The following DCHS2 variants were observed in gnomAD, a reference collection of about 807,000 sequenced individuals.
DCHS2 encodes dachsous cadherin-related 2.
A neutral mutation model predicts 182.4 loss-of-function variants in DCHS2; 142 were observed. That is an observed-to-expected ratio of 0.78 (90% CI 0.68 to 0.89). DCHS2 has a LOEUF of 0.89. DCHS2 is among the 40% of genes least tolerant of loss of function. DCHS2 has a pLI of 0.00. For synonymous variants in DCHS2, 1,740 were observed against 1,663.3 expected (o/e 1.05, Z -1.12); for missense variants, 4,319 against 4,198.6 (o/e 1.03, Z -0.79).
Position 154,233,065 on chromosome 4 carries a change from C to G in DCHS2, c.*1471G>C, listed in dbSNP as rs1731267397. The G allele has an allele frequency of 6.6e-6, 1 of 152,042 alleles. No individual in the cohort carries two copies. The highest frequency in any genetic ancestry group is 6.6e-5 in the Admixed American group (1 of 15,254). The allele number at this position is 152,042 out of a possible 1,614,324, so 9.4% of individuals were successfully genotyped here. On this transcript the variant is annotated 3_prime_UTR_variant, in exon 20 of 20. Transcript: ENST00000357232. The stretch of plus-strand genomic sequence containing the variant: ...ATGTCACAAAATTTCACAGATGAGG[C>G]CTATGGAAGAAGAACACAAAGGAAC...
At chr4:154,417,200 TGTGTGAGA>T (rs1198417722) in intron 1 of DCHS2, among the ~76,000 whole-genome samples, 18 of 47,962 alleles carry the variant, frequency 3.8e-4, no homozygotes, top group East Asian at 2.3e-3. Flanking sequence ...TGTGTGTGTG[TGTGTGAGA>T]GAGAGAGAGA....
chr4:154,377,430 A>C lies in DCHS2; in HGVS notation c.2067T>G (p.Asp689Glu), dbSNP rs763464354. Residue 689 changes from aspartate to glutamate, a missense_variant, in exon 2 of 20, where the codon GAT (aspartate) becomes GAG (glutamate). Physicochemically the swap from Asp to Glu is conservative, Grantham distance 45. Coordinates refer to ENST00000357232, the MANE Select transcript of DCHS2 (RefSeq NM_001358235.2). ...GHCFLQVTAS[D>E]ADSGLYGFIE... ...TAAAGCCATAGAGTCCTGAATCTGCATCAGAGGCTGTCACCTGTGAGACAG... is the reference window on the plus strand; with the variant it reads ...TAAAGCCATAGAGTCCTGAATCTGCCTCAGAGGCTGTCACCTGTGAGACAG... 7 of 1,612,046 alleles carry C rather than the reference A, an allele frequency of 4.3e-6. No homozygotes were observed. The highest frequency in any genetic ancestry group is 1.3e-5 in the African/African-American group (1 of 74,864).
Position 154,490,801 on chromosome 4 carries a change from G to T in DCHS2, c.555C>A (p.Ala185=), listed in dbSNP as rs537489691. The T allele has an allele frequency of 6.4e-7, 1 of 1,551,574 alleles. No homozygotes were observed. Residue 185 remains alanine (A), a synonymous_variant, in exon 1 of 20, where the codon GCC becomes GCA. Coordinates refer to ENST00000357232, the MANE Select transcript of DCHS2 (RefSeq NM_001358235.2). ...DVSELSPPGT[A]FRLPVAHDPD... is the part of the protein sequence containing the mutation. ...GATCGTGGGCAACTGGCAGGCGGAA[G>T]GCGGTCCCTGGCGGGCTGAGCTCGG...
chr4:154,326,179 C>T (rs146037405), intron 7 of DCHS2, among the ~76,000 whole-genome samples: 6 of 152,274 alleles, frequency 3.9e-5, no homozygotes, highest in Non-Finnish European at 7.4e-5. Flanking sequence ...CATTGTTCTT[C>T]GAAGTCGTCA....
intron 3 of DCHS2, among the ~76,000 whole-genome samples, chr4:154,361,903 G>A (rs1404854335): frequency 2.0e-5 from 3 of 152,004 alleles, no homozygotes; most frequent in Non-Finnish European, 4.4e-5. Context: ...CAGAAAGCAT[G>A]TAAGTTTATA....
chr4:154,339,451 CTT>C (rs761820833), intron 3 of DCHS2, among the ~76,000 whole-genome samples: 14 of 141,228 alleles, frequency 9.9e-5, no homozygotes, highest in Admixed American at 2.1e-4. Context: ...CATGAACAAA[CTT>C]TTTTTTTTTT....
In DCHS2 at chr4:154,332,754, A is replaced by C. The variant is rs143314501; in HGVS notation, c.3454T>G (p.Ser1152Ala). 225 of 1,614,188 alleles carry C rather than the reference A, an allele frequency of 1.4e-4. 2 individuals are homozygous for C. In the East Asian group the frequency reaches 4.9e-3, roughly 35 times the overall value. ...IYLRRQFDYE[S>A]TQTYNFRVFA... is the part of the protein sequence containing the mutation. ...ACTCTAAAATTATATGTTTGGGTGG[A>C]TTCATAGTCAAACTGTCGCCGCAAA... Residue 1152 changes from serine to alanine, a missense_variant, in exon 5 of 20, where the codon TCC becomes GCC. Transcript: ENST00000357232.
chr4:154,373,910 T>A (rs1449707577), intron 2 of DCHS2: 3 of 1,600,880 alleles, frequency 1.9e-6, no homozygotes, highest in Non-Finnish European at 2.6e-6. Flanking sequence ...AGAAACATCA[T>A]GTTCCTTACC....
chr4:154,370,949 G>A (rs1193154754), intron 2 of DCHS2, among the ~76,000 whole-genome samples: 6 of 152,146 alleles, frequency 3.9e-5, no homozygotes, highest in South Asian at 2.1e-4. Context: ...TAAAGTGGAC[G>A]TGCTACAGTA....
chr4:154,323,286 C>T, intron 7 of DCHS2: 1 of 1,548,712 alleles, frequency 6.5e-7, no homozygotes, highest in Non-Finnish European at 8.7e-7. Context: ...TTTTGCACGA[C>T]TGCTTCCCAA....
intron 1 of DCHS2, chr4:154,486,320 C>T (rs1169300470): frequency 8.9e-7 from 1 of 1,118,732 alleles, no homozygotes; most frequent in Non-Finnish European, 1.2e-6. Context: ...ACCATAGTGC[C>T]AGCAACAGCA....
At chr4:154,383,702 T>A (rs1276453690) in intron 1 of DCHS2, among the ~76,000 whole-genome samples, 3 of 151,478 alleles carry the variant, frequency 2.0e-5, no homozygotes, top group Non-Finnish European at 4.4e-5. Flanking sequence ...CCCTTCAACA[T>A]CAGTGGTCAG....
At chr4:154,252,786 A>G (rs72968839) in intron 16 of DCHS2, among the ~76,000 whole-genome samples, 22,503 of 152,016 alleles carry the variant, frequency 0.15, 4,265 homozygotes, top group African/African-American at 0.44. Flanking sequence ...TACTGCAATA[A>G]ATTGTCGATA....
At chr4:154,429,728 T>C (rs950527871) in intron 1 of DCHS2, among the ~76,000 whole-genome samples, 2 of 152,144 alleles carry the variant, frequency 1.3e-5, no homozygotes, top group African/African-American at 4.8e-5. Flanking sequence ...GTTTCCATTG[T>C]CATATAATTT....
At chr4:154,431,646 C>T (rs994394015) in intron 1 of DCHS2, among the ~76,000 whole-genome samples, 1 of 152,090 alleles carries the variant, frequency 6.6e-6, no homozygotes, top group Admixed American at 6.6e-5. Context: ...AAATCTCTTC[C>T]AGGACTTGTA....
At position 154,235,220 on chromosome 4, in the gene DCHS2, G is replaced by A; in HGVS notation, c.9432C>T (p.Cys3144=). ...GIPRDSDQLS[C]LSGETDVMVT... ...CCATCACATCAGTTTCCCCAGATAG[G>A]CAGGAGAGCTGGTCTGAGTCCCTCG... is the stretch of plus-strand genomic sequence containing the variant. Residue 3144 remains cysteine, a synonymous_variant, in exon 20 of 20, where the codon TGC becomes TGT. Transcript: ENST00000357232. The A allele has an allele frequency of 6.2e-7, 1 of 1,614,042 alleles. No individual in the cohort carries two copies. Among genetic ancestry groups the A allele is most frequent in the Non-Finnish European group, 8.5e-7 (1 of 1,179,990 alleles).
rs543993622 is a variant in DCHS2, at chr4:154,299,835, G to A, written c.5606-1127C>T. 2.0e-5 allele frequency among the ~76,000 whole-genome samples: 3 copies of A among 152,266 alleles called. No homozygotes were observed. The South Asian group carries it at 6.2e-4, about 32-fold the overall frequency. On this transcript the variant is annotated intron_variant, in intron 12 of 19. Coordinates refer to ENST00000357232, the MANE Select transcript of DCHS2 (RefSeq NM_001358235.2). ...GCTCCAAGAGTTCACAGTCTAAAAG[G>A]AAAGGCTGGTCAATACTCGGGTATT...
chr4:154,478,790 G>A (rs1243854314), intron 1 of DCHS2, among the ~76,000 whole-genome samples: 1 of 152,174 alleles, frequency 6.6e-6, no homozygotes, highest in Non-Finnish European at 1.5e-5. Context: ...GCTTTCACAG[G>A]TGCCTGAGAG....
At chr4:154,347,103 G>T (rs924875010) in intron 3 of DCHS2, among the ~76,000 whole-genome samples, 1 of 151,364 alleles carries the variant, frequency 6.6e-6, no homozygotes. Context: ...AAACAAATGA[G>T]TGACATTTGT....
Sources: gnomAD v4.1 joint callset for allele counts (sites outside exome capture counted in the v4.1 genomes callset) on GRCh38, gnomAD v4.1.1 for gene constraint, MANE v1.5 for transcripts, NCBI Gene and HGNC (gene_info 2026-07-23, HGNC 2026-07-21) for gene names.